Variants in LATS2 observed in about 807,000 individuals in gnomAD.
The protein encoded by LATS2 is large tumor suppressor kinase 2.
In LATS2, 24 loss-of-function variants were observed where a neutral mutation model predicts 76.0. The ratio of observed to expected loss-of-function variants is 0.32; its 90% confidence interval spans 0.23 to 0.44. The LOEUF (loss-of-function observed/expected upper bound fraction) is 0.44. LATS2 is among the 20% of genes least tolerant of loss of function. The probability of loss-of-function intolerance (pLI) is 1.00; values close to 1 mark genes in which losing one functional copy is unlikely to be tolerated. For missense variants in LATS2, 1,286 were observed against 1,481.2 expected (o/e 0.87, Z 2.16); for synonymous variants, 692 against 635.4 (o/e 1.09, Z -1.34).
At chr13:21,014,056 CAAAG>C (rs1433972513) in intron 2 of LATS2, among the ~76,000 whole-genome samples, 2 of 145,132 alleles carry the variant, frequency 1.4e-5, no homozygotes, top group Non-Finnish European at 3.0e-5. Flanking sequence ...GAGAGAGAAA[CAAAG>C]AGAGGGAAGG....
At chr13:21,003,573 T>G (rs569187983) in intron 2 of LATS2, among the ~76,000 whole-genome samples, 1 of 152,230 alleles carries the variant, frequency 6.6e-6, no homozygotes, top group East Asian at 1.9e-4. Context: ...CTCAAGGAGC[T>G]GGGATTACAG....
intron 3 of LATS2, among the ~76,000 whole-genome samples, chr13:20,989,993 C>T (rs557832520): frequency 2.6e-5 from 4 of 152,256 alleles, no homozygotes; most frequent in Non-Finnish European, 5.9e-5. Flanking sequence ...CCTTTCATTT[C>T]TTCAGGCCAA....
In LATS2 at chr13:20,974,444, T is replaced by C. The variant is rs1869497345; in HGVS notation, c.*426A>G. On this transcript the variant is annotated 3_prime_UTR_variant, in exon 8 of 8. Transcript: ENST00000382592. ...TTATCTTTTTTTTTTTTTACATTAT[T>C]GCACAGAGATTTCTCATCAATGTTC... 1 of 228,538 alleles carries C rather than the reference T, an allele frequency of 4.4e-6. No homozygotes were observed. The allele number at this position is 228,538 out of a possible 1,614,324, so 14.2% of individuals were successfully genotyped here. A position where few individuals can be genotyped will look rare whatever the true frequency, so the allele number is the denominator to read the frequency against.
In LATS2 at chr13:21,029,715, C is replaced by T. The variant is rs545754267; in HGVS notation, c.342+15970G>A. Among the ~76,000 whole-genome samples, 42 of 151,988 alleles carry T rather than the reference C, an allele frequency of 2.8e-4. No homozygotes were observed. The South Asian group carries it at 4.8e-3, about 17-fold the overall frequency. On this transcript the variant is annotated intron_variant, in intron 2 of 7. Transcript: ENST00000382592. ...CTGAGGCAGGAGAATCACTTGAACC[C>T]GGGAGGCAGAGGTTGCAGTGGGCCA... is the stretch of plus-strand genomic sequence containing the variant.
chr13:21,027,496 T>G (rs1195625698), intron 2 of LATS2, among the ~76,000 whole-genome samples: 1 of 152,198 alleles, frequency 6.6e-6, no homozygotes, highest in African/African-American at 2.4e-5. Flanking sequence ...TTTTCCTCAT[T>G]GAATTTTCAT....
At position 20,974,310 on chromosome 13, in the gene LATS2, A is replaced by G. The variant is rs756968058; in HGVS notation, c.*560T>C. The G allele has an allele frequency of 8.8e-6, 2 of 226,388 alleles. No individual in the cohort carries two copies. Among genetic ancestry groups the G allele is most frequent in the Non-Finnish European group, 1.8e-5 (2 of 113,982 alleles). 14.0% of individuals were successfully genotyped at this position (226,388 alleles called of 1,614,324 possible). On this transcript the variant is annotated 3_prime_UTR_variant, in exon 8 of 8. Coordinates refer to ENST00000382592, the MANE Select transcript of LATS2 (RefSeq NM_014572.3). ...ACTAGATATGCAAAAAGCCAAAAAA[A>G]GCAGCTTTTAACATTATATCATTAT...
At chr13:21,014,037 A>C (rs562666175) in intron 2 of LATS2, among the ~76,000 whole-genome samples, 4 of 151,746 alleles carry the variant, frequency 2.6e-5, no homozygotes, top group Non-Finnish European at 5.9e-5. Flanking sequence ...GAGGAGGAGG[A>C]GGAAGAAGGA....
intron 2 of LATS2, among the ~76,000 whole-genome samples, chr13:21,041,819 T>A (rs1003729100): frequency 1.3e-5 from 2 of 152,110 alleles, no homozygotes; most frequent in Non-Finnish European, 2.9e-5. Flanking sequence ...AATTGGAACC[T>A]CACCCTCACA....
In LATS2 at chr13:20,983,543, G is replaced by A. The variant is rs140414560; in HGVS notation, c.2163C>T (p.Ala721=). Residue 721 remains alanine, a synonymous_variant, in exon 5 of 8, where the codon GCC becomes GCT. Coordinates refer to ENST00000382592, the MANE Select transcript of LATS2 (RefSeq NM_014572.3). ...TGACCACCCACTCATTGTCTGCCTC[G>A]GCCAGGATGTCCCTCTCGGCCTTGA... ...AHVKAERDIL[A]EADNEWVVKL... is the part of the protein sequence containing the mutation. 87 of 1,614,092 alleles carry A rather than the reference G, an allele frequency of 5.4e-5. 2 individuals are homozygous for A. The highest frequency in any genetic ancestry group is 3.3e-4 in the Middle Eastern group (2 of 6,060).
intron 4 of LATS2, among the ~76,000 whole-genome samples, chr13:20,987,311 T>G (rs1272962237): frequency 6.6e-6 from 1 of 152,248 alleles, no homozygotes; most frequent in Non-Finnish European, 1.5e-5. Flanking sequence ...TTTCAGGCTT[T>G]GGAATTATTG....
intron 6 of LATS2, among the ~76,000 whole-genome samples, chr13:20,981,056 C>T (rs1289233988): frequency 6.6e-6 from 1 of 152,196 alleles, no homozygotes; most frequent in Non-Finnish European, 1.5e-5. Context: ...CACATAAGCA[C>T]CCAGCTGCAC....
intron 3 of LATS2, among the ~76,000 whole-genome samples, chr13:20,990,302 C>A (rs1870449643): frequency 6.8e-6 from 1 of 147,194 alleles, no homozygotes; most frequent in African/African-American, 2.5e-5. Flanking sequence ...CAGCTGGGGG[C>A]TATTTAAGGA....
At chr13:21,015,273 C>G (rs1871755568) in intron 2 of LATS2, among the ~76,000 whole-genome samples, 1 of 152,206 alleles carries the variant, frequency 6.6e-6, no homozygotes, top group South Asian at 2.1e-4. Context: ...CCATCAGCCT[C>G]TGGTGTGAGT....
At chr13:20,985,888 CAT>C (rs1870118116) in intron 4 of LATS2, among the ~76,000 whole-genome samples, 1 of 151,466 alleles carries the variant, frequency 6.6e-6, no homozygotes, top group Non-Finnish European at 1.5e-5. Flanking sequence ...TCTACAAAAA[CAT>C]AAAACTAGCT....
intron 2 of LATS2, among the ~76,000 whole-genome samples, chr13:21,020,170 A>G (rs1242417306): frequency 1.3e-5 from 2 of 152,080 alleles, no homozygotes; most frequent in African/African-American, 4.8e-5. Flanking sequence ...AAACACACCA[A>G]TTCCCACTGT....
intron 4 of LATS2, among the ~76,000 whole-genome samples, chr13:20,987,088 G>A (rs575523192): frequency 6.6e-6 from 1 of 152,156 alleles, no homozygotes; most frequent in Non-Finnish European, 1.5e-5. Context: ...CCAACTACTC[G>A]GGAAGCTGAG....
intron 2 of LATS2, among the ~76,000 whole-genome samples, chr13:20,997,435 T>C (rs1368284870): frequency 3.3e-5 from 5 of 152,338 alleles, no homozygotes; most frequent in Non-Finnish European, 7.4e-5. Context: ...GCGAGGTGGC[T>C]GAGGGGTGGG....
chr13:21,046,317 GTGGAAATATACCGCT>G (rs1873075525), intron 1 of LATS2, 87 bp from the exon 2 acceptor site: 1 of 333,578 alleles, frequency 3.0e-6, no homozygotes, highest in Admixed American at 4.5e-5. Context: ...AACAGTGATC[GTGGAAATATACCGCT>G]TGGAAAGAAA....
chr13:20,985,424 T>A (rs905818540), intron 4 of LATS2, among the ~76,000 whole-genome samples: 71 of 152,226 alleles, frequency 4.7e-4, no homozygotes, highest in African/African-American at 1.5e-3. Flanking sequence ...GCAAAAAAAA[T>A]ATCAAATAAT....
Sources: gnomAD v4.1 joint callset for allele counts (sites outside exome capture counted in the v4.1 genomes callset) on GRCh38, gnomAD v4.1.1 for gene constraint, MANE v1.5 for transcripts, NCBI Gene and HGNC (gene_info 2026-07-23, HGNC 2026-07-21) for gene names.